NMNAT3: variants seen among roughly 807,000 people sequenced by gnomAD.
NMNAT3 encodes the protein nicotinamide nucleotide adenylyltransferase 3, also known as nicotinamide/nicotinic acid mononucleotide adenylyltransferase 3.
NMNAT3 carries 21 observed loss-of-function variants against 24.8 expected under a neutral mutation model. That is an observed-to-expected ratio of 0.85 (90% CI 0.60 to 1.22). The LOEUF is 1.22. Ranked by LOEUF, NMNAT3 falls within the 50% of genes most tolerant of loss-of-function variation. NMNAT3 has a pLI of 0.00. For missense variants in NMNAT3, 387 were observed against 436.6 expected (o/e 0.89, Z 1.01); for synonymous variants, 136 against 155.2 (o/e 0.88, Z 0.92).
chr3:139,627,418 C>T (rs891119715), intron 3 of NMNAT3, among the ~76,000 whole-genome samples, 198 bp downstream of exon 4: 1 of 152,064 alleles, frequency 6.6e-6, no homozygotes, highest in African/African-American at 2.4e-5. Flanking sequence ...GTGTTCAGCT[C>T]TATGGCAAGG....
intron 1 of NMNAT3, among the ~76,000 whole-genome samples, chr3:139,657,497 G>A (rs1042134571): frequency 1.3e-5 from 2 of 152,164 alleles, no homozygotes; most frequent in Non-Finnish European, 2.9e-5. Flanking sequence ...TGCATCTTAG[G>A]AGGTGTGTAG....
chr3:139,578,182 C>A (rs1358527108), intron 5 of NMNAT3, among the ~76,000 whole-genome samples: 1 of 152,194 alleles, frequency 6.6e-6, no homozygotes, highest in Non-Finnish European at 1.5e-5. Context: ...TCTGCAGACA[C>A]AAGCTAGTGA....
At chr3:139,594,861 A>C (rs1379472190) in intron 3 of NMNAT3, among the ~76,000 whole-genome samples, 2 of 152,236 alleles carry the variant, frequency 1.3e-5, no homozygotes. Context: ...TATCATACTG[A>C]ATGGGCAAAA....
intron 1 of NMNAT3, among the ~76,000 whole-genome samples, chr3:139,638,318 A>G (rs2056578458): frequency 1.3e-5 from 2 of 152,072 alleles, no homozygotes; most frequent in South Asian, 4.1e-4. Flanking sequence ...CTTAGTGGTA[A>G]TATTTGATTC....
At chr3:139,562,414 TG>T (rs765632191) in intron 6 of NMNAT3, among the ~76,000 whole-genome samples, 1 of 152,186 alleles carries the variant, frequency 6.6e-6, no homozygotes, top group African/African-American at 2.4e-5. Context: ...TCCAAGTCTA[TG>T]CTAGAAACAA....
chr3:139,607,486 C>T (rs535738578), intron 3 of NMNAT3, among the ~76,000 whole-genome samples: 1 of 152,178 alleles, frequency 6.6e-6, no homozygotes, highest in African/African-American at 2.4e-5. Context: ...TTTTCTTGTC[C>T]TTAGCCTTGC....
At chr3:139,609,073 GTTTC>G (rs2055075553) in intron 3 of NMNAT3, among the ~76,000 whole-genome samples, 1 of 152,136 alleles carries the variant, frequency 6.6e-6, no homozygotes, top group African/African-American at 2.4e-5. Flanking sequence ...CGAATGATTT[GTTTC>G]TTTTATTGCT....
chr3:139,606,104 A>G (rs2054931873), intron 3 of NMNAT3, among the ~76,000 whole-genome samples: 1 of 152,224 alleles, frequency 6.6e-6, no homozygotes, highest in Non-Finnish European at 1.5e-5. Flanking sequence ...TTAAATAACC[A>G]TGGTACAGTG....
At chr3:139,627,533 T>C in intron 3 of NMNAT3, 83 bp downstream of exon 4, 1 of 700,408 alleles carries the variant, frequency 1.4e-6, no homozygotes, top group Non-Finnish European at 2.3e-6. Flanking sequence ...GCTGTTTTAA[T>C]AATAGTGATG....
intron 1 of NMNAT3, among the ~76,000 whole-genome samples, chr3:139,663,035 C>A (rs2057466919): frequency 6.6e-6 from 1 of 152,194 alleles, no homozygotes; most frequent in African/African-American, 2.4e-5. Flanking sequence ...AAACAACACA[C>A]ATTTATTATC....
intron 3 of NMNAT3, among the ~76,000 whole-genome samples, chr3:139,592,829 TG>T (rs1457225092): frequency 6.6e-6 from 1 of 151,898 alleles, no homozygotes; most frequent in African/African-American, 2.4e-5. Context: ...GCACTAAACA[TG>T]GAAAGGAACA....
intron 2 of NMNAT3, among the ~76,000 whole-genome samples, chr3:139,629,636 G>A (rs540064129): frequency 6.6e-6 from 1 of 152,252 alleles, no homozygotes; most frequent in African/African-American, 2.4e-5. Flanking sequence ...TCAGTCACAG[G>A]AACCTGGGAC....
intron 1 of NMNAT3, among the ~76,000 whole-genome samples, chr3:139,675,729 T>C (rs9815708): frequency 0.41 from 61,790 of 152,058 alleles, 12,816 homozygotes; most frequent in Non-Finnish European, 0.45. Context: ...TAAGGAACGA[T>C]ATCAATAGTT....
chr3:139,624,467 A>G (rs1342734841), intron 3 of NMNAT3, among the ~76,000 whole-genome samples: 1 of 146,180 alleles, frequency 6.8e-6, no homozygotes, highest in Non-Finnish European at 1.5e-5. Context: ...TTTTTTTTTG[A>G]GACAGAGTCT....
At chr3:139,617,404 CT>C (rs2055557888) in intron 3 of NMNAT3, among the ~76,000 whole-genome samples, 1 of 152,204 alleles carries the variant, frequency 6.6e-6, no homozygotes, top group African/African-American at 2.4e-5. Context: ...GGCTCTAGTA[CT>C]TTCTGGCTGT....
chr3:139,627,653 G>A lies in NMNAT3; in HGVS notation c.72C>T (p.Arg24=), dbSNP rs765551516. 1.0e-5 allele frequency: 16 copies of A among 1,595,596 alleles called. No homozygotes were observed. The highest frequency in any genetic ancestry group is 1.2e-5 in the Non-Finnish European group (14 of 1,178,166). The stretch of plus-strand genomic sequence containing the variant: ...GGTGATCTCTGGCCACCTCAAACAT[G>A]CGCAGGTGCATGTTGGTGATGGGGT... The change falls in exon 3 of 7, where the codon CGC becomes CGT. Residue 24 remains arginine (R), a synonymous_variant. Transcript: ENST00000643695.
Position 139,573,618 on chromosome 3 carries a change from G to C in NMNAT3, c.638C>G (p.Ala213Gly). 1 of 1,601,852 alleles carries C rather than the reference G, an allele frequency of 6.2e-7. No individual in the cohort carries two copies. The highest frequency in any genetic ancestry group is 8.5e-7 in the Non-Finnish European group (1 of 1,174,676). ...CCCACCTGCAGGGGTCGAGAAGAGT[G>C]CCTTGCCATGGTCTGGGCCTTCCAT... The change falls in exon 6 of 7, where the codon GCA (alanine) becomes GGA (glycine). Residue 213 changes from alanine (A) to glycine (G), a missense_variant. By Grantham distance (60) the Ala-to-Gly change is moderately conservative (BLOSUM62 0). Coordinates refer to ENST00000643695, the MANE Select transcript of NMNAT3 (RefSeq NM_001320510.2).
intron 6 of NMNAT3, among the ~76,000 whole-genome samples, chr3:139,563,850 C>G (rs529224267): frequency 1.1e-4 from 16 of 152,252 alleles, no homozygotes; most frequent in African/African-American, 3.4e-4. Context: ...ATAAAGAAAT[C>G]AATACGATTT....
intron 3 of NMNAT3, among the ~76,000 whole-genome samples, chr3:139,600,077 G>A (rs1347970530): frequency 6.6e-6 from 1 of 152,176 alleles, no homozygotes; most frequent in Non-Finnish European, 1.5e-5. Flanking sequence ...ACTTCTTTGT[G>A]TGTGAAGAGT....
Sources: gnomAD v4.1 joint callset for allele counts (sites outside exome capture counted in the v4.1 genomes callset) on GRCh38, gnomAD v4.1.1 for gene constraint, MANE v1.5 for transcripts, NCBI Gene and HGNC (gene_info 2026-07-23, HGNC 2026-07-21) for gene names.